Variants in CEMIP observed in about 807,000 individuals in gnomAD.
CEMIP encodes cell migration-inducing and hyaluronan-binding protein.
A neutral mutation model predicts 156.9 loss-of-function variants in CEMIP; 105 were observed. That is an observed-to-expected ratio of 0.67 (90% CI 0.57 to 0.79). The LOEUF is 0.79. CEMIP is among the 30% of genes least tolerant of loss of function. CEMIP has a pLI of 0.00. For missense variants in CEMIP, 1,457 were observed against 1,769.4 expected (o/e 0.82, Z 3.17); for synonymous variants, 676 against 668.4 (o/e 1.01, Z -0.17).
At chr15:80,807,564 TC>T (rs1396313175) in intron 1 of CEMIP, among the ~76,000 whole-genome samples, 1 of 152,028 alleles carries the variant, frequency 6.6e-6, no homozygotes, top group African/African-American at 2.4e-5. Flanking sequence ...GGAGGATAAG[TC>T]TGGAAAGACA....
intron 1 of CEMIP, chr15:80,842,176 CCTTTTCAT>C (rs1897439819): frequency 2.2e-6 from 1 of 452,238 alleles, no homozygotes; most frequent in South Asian, 1.7e-5. Flanking sequence ...ATATGTATTT[CCTTTTCAT>C]CTTTTACCTA....
chr15:80,863,214 T>TA (rs1254956480), intron 1 of CEMIP, among the ~76,000 whole-genome samples: 9 of 152,250 alleles, frequency 5.9e-5, no homozygotes, highest in African/African-American at 1.4e-4. Flanking sequence ...ATGTATTTTT[T>TA]AAAAAATCTG....
chr15:80,860,572 G>T (rs1897961182), intron 1 of CEMIP, among the ~76,000 whole-genome samples: 1 of 152,220 alleles, frequency 6.6e-6, no homozygotes, highest in African/African-American at 2.4e-5. Context: ...ACACCCAGTG[G>T]TGGGGATTTT....
At chr15:80,917,583 C>CT (rs1900319557) in intron 14 of CEMIP, among the ~76,000 whole-genome samples, 1 of 152,148 alleles carries the variant, frequency 6.6e-6, no homozygotes, top group African/African-American at 2.4e-5. Context: ...TATTGATTGA[C>CT]TTATTAAACA....
intron 1 of CEMIP, among the ~76,000 whole-genome samples, chr15:80,827,166 A>G (rs1489465871): frequency 6.6e-6 from 1 of 152,136 alleles, no homozygotes; most frequent in Non-Finnish European, 1.5e-5. Flanking sequence ...GTCCCCAGTG[A>G]TGATTTTGTT....
Position 80,904,607 on chromosome 15 carries a change from T to C in CEMIP, c.1412-2056T>C, listed in dbSNP as rs369144329. ...TCCTTAAAAGAGGGACACAGGAAGG[T>C]CAGAGTCAGAAGAAAGTGACGTGAT... On this transcript the variant is annotated intron_variant, in intron 12 of 29. Transcript: ENST00000394685. 3.9e-5 allele frequency among the ~76,000 whole-genome samples: 6 copies of C among 152,076 alleles called. No homozygotes were observed. In the East Asian group the frequency reaches 1.2e-3, roughly 29 times the overall value.
chr15:80,950,340 C>T lies in CEMIP; in HGVS notation c.*1416C>T, dbSNP rs1160299135. 6.6e-6 allele frequency: 1 copy of T among 152,346 alleles called. No individual in the cohort carries two copies. The highest frequency in any genetic ancestry group is 1.9e-4 in the East Asian group (1 of 5,186). The allele number at this position is 152,346 out of a possible 1,614,324, so 9.4% of individuals were successfully genotyped here. ...ACACCACATTGCCTCAACAACCGGC[C>T]CCAGAGTGCCCAGGCACTCCTGAGG... On this transcript the variant is annotated 3_prime_UTR_variant, in exon 30 of 30. Transcript: ENST00000394685.
intron 1 of CEMIP, among the ~76,000 whole-genome samples, chr15:80,810,936 C>T (rs1055232447): frequency 1.3e-5 from 2 of 152,170 alleles, no homozygotes; most frequent in African/African-American, 2.4e-5. Context: ...CCCATCCATT[C>T]GCCTACTCAA....
At chr15:80,939,854 C>T (rs55714601) in intron 25 of CEMIP, among the ~76,000 whole-genome samples, 1 of 152,172 alleles carries the variant, frequency 6.6e-6, no homozygotes, top group African/African-American at 2.4e-5. Flanking sequence ...CAGCTACCTT[C>T]TAATAATCTA....
chr15:80,938,179 C>T lies in CEMIP; in HGVS notation c.3407+200C>T, dbSNP rs555870290. The T allele has an allele frequency of 1.5e-3, 860 of 576,024 alleles. 15 individuals carry two copies. The South Asian group carries it at 0.017, about 11-fold the overall frequency. 35.7% of individuals were successfully genotyped at this position (576,024 alleles called of 1,614,324 possible). A position where few individuals can be genotyped will look rare whatever the true frequency, so the allele number is the denominator to read the frequency against. Reference sequence around the variant, plus strand: ...TATTAAGCTTTAAAAGTAAAATAAACACCCTATTAAATATACATGTGAATT... The same window carrying T: ...TATTAAGCTTTAAAAGTAAAATAAATACCCTATTAAATATACATGTGAATT... On this transcript the variant is annotated intron_variant, in intron 25 of 29. Transcript: ENST00000394685.
chr15:80,869,238 T>G (rs1473538749), intron 1 of CEMIP, among the ~76,000 whole-genome samples: 2 of 152,210 alleles, frequency 1.3e-5, no homozygotes, highest in African/African-American at 2.4e-5. Flanking sequence ...AGTTACCTCT[T>G]TAAAGGTCCT....
chr15:80,781,789 A>G (rs950292039), intron 1 of CEMIP, among the ~76,000 whole-genome samples: 8 of 152,242 alleles, frequency 5.3e-5, no homozygotes, highest in Admixed American at 2.0e-4. Flanking sequence ...AATTACAGTA[A>G]TTGGTACAAT....
At chr15:80,905,644 A>T (rs953221473) in intron 12 of CEMIP, among the ~76,000 whole-genome samples, 2 of 152,170 alleles carry the variant, frequency 1.3e-5, no homozygotes, top group African/African-American at 4.8e-5. Flanking sequence ...AAGACTGGCA[A>T]TTACTAGGAG....
At chr15:80,935,012 T>C (rs1459925596) in intron 23 of CEMIP, among the ~76,000 whole-genome samples, 1 of 152,084 alleles carries the variant, frequency 6.6e-6, no homozygotes, top group East Asian at 1.9e-4. Context: ...GAAAACCCAG[T>C]GGAGACTGGA....
At chr15:80,939,824 C>T (rs79779522) in intron 25 of CEMIP, among the ~76,000 whole-genome samples, 6,418 of 152,276 alleles carry the variant, frequency 0.042, 204 homozygotes, top group Middle Eastern at 0.099. Context: ...GTTTCTTATA[C>T]TCAGAGCACC....
intron 1 of CEMIP, among the ~76,000 whole-genome samples, chr15:80,786,970 G>A (rs904231326): frequency 4.6e-5 from 7 of 152,198 alleles, no homozygotes; most frequent in Non-Finnish European, 7.3e-5. Flanking sequence ...TTGATTGATC[G>A]CAAGATGTTT....
In CEMIP at chr15:80,808,707, G is replaced by A. The variant is rs997669638; in HGVS notation, c.-176+29093G>A. ...AAGTAGTTTGGGTAGCATCTGCTTTGAACACTCCACAATAAAAAAAAAATC... is the reference window on the plus strand; with the variant it reads ...AAGTAGTTTGGGTAGCATCTGCTTTAAACACTCCACAATAAAAAAAAAATC... On this transcript the variant is annotated intron_variant, in intron 1 of 29. Transcript: ENST00000394685. Among the ~76,000 whole-genome samples, 32 of 150,946 alleles carry A rather than the reference G, an allele frequency of 2.1e-4. 1 individual carries two copies. Among genetic ancestry groups the A allele is most frequent in the African/African-American group, 7.3e-4 (30 of 41,062 alleles).
chr15:80,803,495 C>A (rs184454020), intron 1 of CEMIP, among the ~76,000 whole-genome samples: 4 of 152,116 alleles, frequency 2.6e-5, no homozygotes, highest in African/African-American at 7.2e-5. Flanking sequence ...ATCTTAGAAG[C>A]AGCAAAATAT....
At chr15:80,899,901 G>A (rs796790722) in intron 12 of CEMIP, among the ~76,000 whole-genome samples, 6 of 152,310 alleles carry the variant, frequency 3.9e-5, no homozygotes, top group African/African-American at 1.4e-4. Context: ...CTGGACTCTT[G>A]GCAGGAGTGG....
Sources: gnomAD v4.1 joint callset for allele counts (sites outside exome capture counted in the v4.1 genomes callset) on GRCh38, gnomAD v4.1.1 for gene constraint, MANE v1.5 for transcripts, NCBI Gene and HGNC (gene_info 2026-07-23, HGNC 2026-07-21) for gene names.